NR5A1: variants seen among roughly 807,000 people sequenced by gnomAD.
NR5A1 encodes the protein nuclear receptor subfamily 5 group A member 1.
NR5A1 carries 6 observed loss-of-function variants against 42.7 expected under a neutral mutation model. That is an observed-to-expected ratio of 0.14 (90% CI 0.08 to 0.28). The LOEUF (loss-of-function observed/expected upper bound fraction) is 0.28. Ranked by LOEUF, NR5A1 falls within the 10% of genes least tolerant of loss-of-function variation. The pLI, the probability that NR5A1 is intolerant of heterozygous loss-of-function variation, is 1.00. For synonymous variants in NR5A1, 274 were observed against 277.5 expected, an observed-to-expected ratio of 0.99 and a Z score of 0.12; for missense variants, 442 against 626.4, an observed-to-expected ratio of 0.71 and a Z score of 3.14.
At chr9:124,488,401 C>T (rs1832254810) in intron 6 of NR5A1, among the ~76,000 whole-genome samples, 1 of 152,144 alleles carries the variant, frequency 6.6e-6, no homozygotes, top group South Asian at 2.1e-4. Context: ...TCTGGCACCC[C>T]CAACCTCACC....
rs1354565906 is a variant in NR5A1, at chr9:124,496,403, C to T, written c.871-3254G>A. ...GAACAATGACATTTGCAGCCCCAGC[C>T]CTTGGGTCTCCCACCAGCCTGGCCT... On this transcript the variant is annotated intron_variant, in intron 4 of 6. Transcript: ENST00000373588. The surrounding 1 kb of genome is among the most constrained non-coding windows in gnomAD (Gnocchi z 5.0). 6.6e-6 allele frequency among the ~76,000 whole-genome samples: 1 copy of T among 152,162 alleles called. No homozygotes were observed. Among genetic ancestry groups the T allele is most frequent in the African/African-American group, 2.4e-5 (1 of 41,434 alleles).
At chr9:124,485,045 G>C (rs115999938) in intron 6 of NR5A1, among the ~76,000 whole-genome samples, 1 of 152,084 alleles carries the variant, frequency 6.6e-6, no homozygotes, top group African/African-American at 2.4e-5. Context: ...TACCTGCCCC[G>C]CCCCGACTTG....
rs1478373839 is a variant in NR5A1, at chr9:124,496,921, G to A, written c.870+3169C>T. Among the ~76,000 whole-genome samples, 1 of 152,190 alleles carries A rather than the reference G, an allele frequency of 6.6e-6. No individual in the cohort carries two copies. The highest frequency in any genetic ancestry group is 2.4e-5 in the African/African-American group (1 of 41,432). ...GCTGACTGCCTGGGCCCTGGGCACT[G>A]CTGCCCACCAAGCAGCAGGTACAGG... On this transcript the variant is annotated intron_variant, in intron 4 of 6. Coordinates refer to ENST00000373588, the MANE Select transcript of NR5A1 (RefSeq NM_004959.5). This position sits in a 1 kb window ranked among gnomAD's most constrained non-coding sequence, Gnocchi z 5.0.
At chr9:124,489,869 T>A (rs555588713) in intron 6 of NR5A1, among the ~76,000 whole-genome samples, 9 of 151,658 alleles carry the variant, frequency 5.9e-5, no homozygotes, top group African/African-American at 1.9e-4. Context: ...TCTGCCAGAA[T>A]CGGGAGACCC....
rs1179806474 is a variant in NR5A1, at chr9:124,503,699, C to G, written c.-15-289G>C. 6.6e-6 allele frequency among the ~76,000 whole-genome samples: 1 copy of G among 152,200 alleles called. No homozygotes were observed. Among genetic ancestry groups the G allele is most frequent in the Admixed American group, 6.5e-5 (1 of 15,288 alleles). On this transcript the variant is annotated intron_variant, in intron 1 of 6. Transcript: ENST00000373588. This position sits in a 1 kb window ranked among gnomAD's most constrained non-coding sequence, Gnocchi z 9.6. ...TGGGGCCCTCGGGTTCGATGCGCTTCGATTGGGATTCGTTTGTCTGAGAAC... is the reference window on the plus strand; with the variant it reads ...TGGGGCCCTCGGGTTCGATGCGCTTGGATTGGGATTCGTTTGTCTGAGAAC...
intron 5 of NR5A1, among the ~76,000 whole-genome samples, chr9:124,492,302 GC>G (rs1384823227): frequency 4.1e-5 from 6 of 146,870 alleles, no homozygotes; most frequent in Admixed American, 2.1e-4. Context: ...CCGTGGCTGT[GC>G]CCCCGTGTCC....
intron 6 of NR5A1, 66 bp downstream of exon 6, chr9:124,491,015 T>TCTGCCCCCC: frequency 3.2e-6 from 2 of 634,814 alleles, no homozygotes; most frequent in Non-Finnish European, 5.5e-6. Flanking sequence ...CTCTCCAGCC[T>TCTGCCCCCC]CACCCACCCT....
At chr9:124,495,703 C>T (rs1461575213) in intron 4 of NR5A1, among the ~76,000 whole-genome samples, 1 of 152,140 alleles carries the variant, frequency 6.6e-6, no homozygotes, top group Non-Finnish European at 1.5e-5. Context: ...GGCGGAGGAG[C>T]GATAAGGGGT....
At chr9:124,490,353 T>A (rs1469863987) in intron 6 of NR5A1, among the ~76,000 whole-genome samples, 1 of 152,098 alleles carries the variant, frequency 6.6e-6, no homozygotes, top group East Asian at 1.9e-4. Context: ...GGAGGGCATT[T>A]GTGATGGCTT....
intron 4 of NR5A1, among the ~76,000 whole-genome samples, chr9:124,494,407 C>G (rs906526088): frequency 1.3e-5 from 2 of 152,224 alleles, no homozygotes; most frequent in African/African-American, 4.8e-5. Context: ...TTCCTGGTCT[C>G]TCACAGGCTC....
intron 6 of NR5A1, among the ~76,000 whole-genome samples, chr9:124,484,960 A>G (rs1454717739): frequency 6.6e-6 from 1 of 152,106 alleles, no homozygotes; most frequent in African/African-American, 2.4e-5. Context: ...GGTGCAGTGA[A>G]GAGACAGAAA....
chr9:124,495,356 G>A (rs539836598), intron 4 of NR5A1, among the ~76,000 whole-genome samples: 132 of 152,318 alleles, frequency 8.7e-4, no homozygotes, highest in Middle Eastern at 3.4e-3. Context: ...CAGGCACGGC[G>A]CCCAGTGTGG....
chr9:124,483,038 C>T, intron 6 of NR5A1, 33 bp from the exon 7 acceptor site: 1 of 1,612,254 alleles, frequency 6.2e-7, no homozygotes, highest in Non-Finnish European at 8.5e-7. Context: ...ACCATCGCGT[C>T]ACCATCCATG....
chr9:124,497,485 G>A (rs1318057406), intron 4 of NR5A1, among the ~76,000 whole-genome samples: 1 of 152,192 alleles, frequency 6.6e-6, no homozygotes, highest in Non-Finnish European at 1.5e-5. Flanking sequence ...GACCCCAAGA[G>A]GGCATTTGGA....
intron 6 of NR5A1, 113 bp downstream of exon 6, chr9:124,490,968 G>A: frequency 7.4e-7 from 1 of 1,359,564 alleles, no homozygotes; most frequent in Non-Finnish European, 1.0e-6. Context: ...TTCTCCCCGA[G>A]GCTCCTTCGT....
chr9:124,494,328 C>T (rs1008759003), intron 4 of NR5A1, among the ~76,000 whole-genome samples: 4 of 152,244 alleles, frequency 2.6e-5, no homozygotes, highest in Middle Eastern at 3.4e-3. Flanking sequence ...CTGTCTAGTT[C>T]CAGATTTGCG....
Position 124,503,066 on chromosome 9 carries a change from G to C in NR5A1, c.244+13C>G. 1 of 1,562,076 alleles carries C rather than the reference G, an allele frequency of 6.4e-7. No homozygotes were observed. The highest frequency in any genetic ancestry group is 8.6e-7 in the Non-Finnish European group (1 of 1,157,678). On this transcript the variant is annotated intron_variant, in intron 3 of 6. Transcript: ENST00000373588. This position sits in a 1 kb window ranked among gnomAD's most constrained non-coding sequence, Gnocchi z 9.6. ...TGTGGGGGGTCAGGGGTCGAGGCCC[G>C]CGCGGCGCGCACCTTCCAGGCGCAT...
chr9:124,484,044 A>C (rs1029247429), intron 6 of NR5A1, among the ~76,000 whole-genome samples: 2 of 152,222 alleles, frequency 1.3e-5, no homozygotes, highest in African/African-American at 4.8e-5. Context: ...AAATGTGCTC[A>C]GACCACATTA....
chr9:124,482,853 T>C lies in NR5A1; in HGVS notation c.1291A>G (p.Met431Val), dbSNP rs1832150101. ...TGGTACAGGTACTCCTTGGCCTGCA[T>C]GCTCAGGGCCCGCACCTCCACCAGG... Reference protein sequence around the residue: ...LCLVEVRALSMQAKEYLYHKH... With the variant: ...LCLVEVRALSVQAKEYLYHKH... The change falls in exon 7 of 7, where the codon ATG becomes GTG. Residue 431 changes from methionine to valine, a missense_variant. Transcript: ENST00000373588. 6.2e-7 allele frequency: 1 copy of C among 1,613,810 alleles called. No homozygotes were observed. The highest frequency in any genetic ancestry group is 1.7e-5 in the Admixed American group (1 of 59,988).
Sources: gnomAD v4.1 joint callset for allele counts (sites outside exome capture counted in the v4.1 genomes callset) on GRCh38, gnomAD v4.1.1 for gene constraint, Gnocchi (gnomAD v3.1) non-coding constraint, MANE v1.5 for transcripts, NCBI Gene and HGNC (gene_info 2026-07-23, HGNC 2026-07-21) for gene names.